EYA1: variants seen among roughly 807,000 people sequenced by gnomAD.
EYA1 encodes protein phosphatase EYA1.
In EYA1, 16 loss-of-function variants were observed where a neutral mutation model predicts 82.0. That is an observed-to-expected ratio of 0.20 (90% CI 0.13 to 0.30). The LOEUF is 0.30. Among genes scored for constraint, EYA1 ranks in the 10% least tolerant of loss-of-function variants. EYA1 has a pLI of 1.00. For synonymous variants in EYA1, 261 were observed against 264.4 expected (o/e 0.99, Z 0.12); for missense variants, 633 against 730.7 (o/e 0.87, Z 1.54).
intron 3 of EYA1, 60 bp from the exon 4 acceptor site, chr8:71,334,234 A>G (rs545530934): frequency 5.6e-5 from 69 of 1,223,898 alleles, no homozygotes; most frequent in Non-Finnish European, 8.4e-5. Context: ...AAGACATGGA[A>G]GAGAAGATAT....
intron 17 of EYA1, among the ~76,000 whole-genome samples, chr8:71,203,585 G>C (rs1807344547): frequency 6.6e-6 from 1 of 152,160 alleles, no homozygotes; most frequent in Non-Finnish European, 1.5e-5. Context: ...GGCTGGACTG[G>C]TGTGTAAAAT....
chr8:71,547,519 C>A (rs922420469), intron 1 of EYA1: 3 of 152,140 alleles, frequency 2.0e-5, no homozygotes, highest in Non-Finnish European at 4.4e-5. Flanking sequence ...GCGTACCTGG[C>A]GGCGGCGCCC....
At chr8:71,407,360 C>T (rs1465493415) in intron 2 of EYA1, among the ~76,000 whole-genome samples, 2 of 135,932 alleles carry the variant, frequency 1.5e-5, no homozygotes, top group African/African-American at 5.5e-5. Flanking sequence ...AGCAACGGAA[C>T]AAAGCTGGAT....
In EYA1 at chr8:71,386,522, C is replaced by T. The variant is rs566261947; in HGVS notation, c.34-30011G>A. Among the ~76,000 whole-genome samples, 53 of 152,252 alleles carry T rather than the reference C, an allele frequency of 3.5e-4. 3 individuals carry two copies. The South Asian group carries it at 7.7e-3, about 22-fold the overall frequency. ...TAAACACTGTATGGACCAACATTGT[C>T]TAGAGTGAACAGCACTTGTGGGCCA... On this transcript the variant is annotated intron_variant, in intron 2 of 18. Coordinates refer to the EYA1 transcript ENST00000643681.
At position 71,314,508 on chromosome 8, in the gene EYA1, T is replaced by C. The variant is rs58299565; in HGVS notation, c.556+3044A>G. Among the ~76,000 whole-genome samples the C allele has an allele frequency of 6.2e-4, 94 of 152,298 alleles. 1 individual carries two copies. The highest frequency in any genetic ancestry group is 2.2e-3 in the African/African-American group (92 of 41,550). On this transcript the variant is annotated intron_variant, in intron 7 of 17. Coordinates refer to ENST00000340726, the MANE Select transcript of EYA1 (RefSeq NM_000503.6). ...TCTGAAATGCTTGGGACCAGAAATG[T>C]TTTGGATTTTGAATTTTTTTCAAAT... is the stretch of plus-strand genomic sequence containing the variant.
At chr8:71,492,157 C>T (rs1233931668) in intron 2 of EYA1, among the ~76,000 whole-genome samples, 1 of 152,114 alleles carries the variant, frequency 6.6e-6, no homozygotes. Context: ...AGTCTTGGTT[C>T]AGGAAAAGGG....
At chr8:71,293,153 T>C (rs1027049500) in intron 9 of EYA1, among the ~76,000 whole-genome samples, 1 of 152,128 alleles carries the variant, frequency 6.6e-6, no homozygotes, top group Non-Finnish European at 1.5e-5. Context: ...AGAAATGTTA[T>C]GAACAATTCT....
At chr8:71,260,981 A>G (rs571639936) in intron 11 of EYA1, among the ~76,000 whole-genome samples, 16 of 152,242 alleles carry the variant, frequency 1.1e-4, no homozygotes, top group African/African-American at 3.6e-4. Flanking sequence ...AATTCTCCCC[A>G]TCCAAGATCT....
exon 1 of EYA1, chr8:71,548,032 CTT>C (rs1409597810): frequency 6.6e-6 from 1 of 152,206 alleles, no homozygotes; most frequent in African/African-American, 2.4e-5. Context: ...GTGGCTTTTT[CTT>C]TCTTTCCTCT....
At chr8:71,222,178 G>C (rs1433346580) in intron 12 of EYA1, among the ~76,000 whole-genome samples, 3 of 152,078 alleles carry the variant, frequency 2.0e-5, no homozygotes, top group Non-Finnish European at 4.4e-5. Context: ...CTTCTGAGGA[G>C]GTAAGAATTG....
chr8:71,510,050 A>G (rs1315106734), intron 2 of EYA1, among the ~76,000 whole-genome samples: 1 of 150,752 alleles, frequency 6.6e-6, no homozygotes, highest in Non-Finnish European at 1.5e-5. Context: ...TATTATTTTA[A>G]TATATAATAA....
At chr8:71,228,750 A>C (rs1017048627) in intron 12 of EYA1, among the ~76,000 whole-genome samples, 3 of 152,192 alleles carry the variant, frequency 2.0e-5, no homozygotes, top group African/African-American at 4.8e-5. Flanking sequence ...CACACACACA[A>C]AAATAAATGA....
intron 2 of EYA1, among the ~76,000 whole-genome samples, chr8:71,486,554 C>G (rs1810584678): frequency 6.6e-6 from 1 of 152,170 alleles, no homozygotes; most frequent in African/African-American, 2.4e-5. Context: ...TAGGGAGAAG[C>G]TGGCTATGTG....
chr8:71,505,317 G>A (rs576546109), intron 2 of EYA1, among the ~76,000 whole-genome samples: 18 of 152,292 alleles, frequency 1.2e-4, no homozygotes, highest in African/African-American at 4.3e-4. Flanking sequence ...TTTGAGAAGC[G>A]CTGGCTCAAG....
chr8:71,321,934 C>A, intron 5 of EYA1, 55 bp from the exon 6 acceptor site: 1 of 1,606,296 alleles, frequency 6.2e-7, no homozygotes, highest in African/African-American at 1.3e-5. Context: ...TGGAAACATG[C>A]AAACCGATTA....
chr8:71,433,632 A>ATT (rs2129163466), intron 2 of EYA1, among the ~76,000 whole-genome samples: 1 of 152,316 alleles, frequency 6.6e-6, no homozygotes, highest in African/African-American at 2.4e-5. Context: ...GAGAAAGAAC[A>ATT]TTGTAAGTGC....
At chr8:71,393,942 C>T (rs188583740) in intron 2 of EYA1, among the ~76,000 whole-genome samples, 113 of 152,280 alleles carry the variant, frequency 7.4e-4, no homozygotes, top group African/African-American at 2.6e-3. Flanking sequence ...TCTCCACATC[C>T]TCTCCAGCAT....
At chr8:71,277,958 T>G (rs1817394087) in intron 9 of EYA1, among the ~76,000 whole-genome samples, 1 of 152,204 alleles carries the variant, frequency 6.6e-6, no homozygotes, top group Admixed American at 6.5e-5. Context: ...TTTTTACATC[T>G]GTAAATACCA....
chr8:71,279,519 G>A (rs1817579660), intron 9 of EYA1, among the ~76,000 whole-genome samples: 1 of 152,204 alleles, frequency 6.6e-6, no homozygotes, highest in African/African-American at 2.4e-5. Context: ...CAAATTTGAT[G>A]ACATTGGCCA....
Sources: gnomAD v4.1 joint callset for allele counts (sites outside exome capture counted in the v4.1 genomes callset) on GRCh38, gnomAD v4.1.1 for gene constraint, MANE v1.5 for transcripts, NCBI Gene and HGNC (gene_info 2026-07-23, HGNC 2026-07-21) for gene names.